The following NLGN1 variants were observed in gnomAD, a reference collection of about 807,000 sequenced individuals.
The protein encoded by NLGN1 is neuroligin-1.
Under a neutral mutation model 65.5 loss-of-function variants are expected in NLGN1, and 12 were observed. The observed-to-expected ratio is 0.18, with a 90% CI of 0.12 to 0.30. The LOEUF (loss-of-function observed/expected upper bound fraction) is 0.30, where lower values mean the gene tolerates loss of function less well. Ranked by LOEUF, NLGN1 falls within the 10% of genes least tolerant of loss-of-function variation. The probability of loss-of-function intolerance (pLI) is 1.00; values close to 1 mark genes in which losing one functional copy is unlikely to be tolerated. For missense variants in NLGN1, 750 were observed against 1,007.1 expected, an observed-to-expected ratio of 0.74 and a Z score of 3.46; for synonymous variants, 350 against 359.5, an observed-to-expected ratio of 0.97 and a Z score of 0.30.
At chr3:174,282,506 TA>T (rs1222825467) in exon 7 of NLGN1, 3 of 152,238 alleles carry the variant, frequency 2.0e-5, no homozygotes, top group Non-Finnish European at 4.4e-5. Flanking sequence ...CACTGGAATT[TA>T]CTCACGCAAT....
chr3:174,020,925 A>G (rs1183144915), intron 4 of NLGN1, among the ~76,000 whole-genome samples: 3 of 152,126 alleles, frequency 2.0e-5, no homozygotes, highest in African/African-American at 7.2e-5. Context: ...GTGTTTTTAT[A>G]TTGTGTAGAA....
intron 3 of NLGN1, among the ~76,000 whole-genome samples, chr3:173,674,670 T>C (rs56329011): frequency 0.021 from 3,270 of 152,204 alleles, 128 homozygotes; most frequent in African/African-American, 0.075. Flanking sequence ...ACATCAATAG[T>C]ATATTAAGGA....
chr3:174,152,261 C>G (rs1724512497), intron 4 of NLGN1, among the ~76,000 whole-genome samples: 1 of 152,058 alleles, frequency 6.6e-6, no homozygotes, highest in Non-Finnish European at 1.5e-5. Flanking sequence ...ATATGTCTAT[C>G]CTTCTATATA....
chr3:173,586,439 A>G (rs1560006688), intron 2 of NLGN1, among the ~76,000 whole-genome samples: 1 of 152,192 alleles, frequency 6.6e-6, no homozygotes, highest in Non-Finnish European at 1.5e-5. Context: ...CGTTCTGACT[A>G]TTAAAAGATT....
intron 4 of NLGN1, among the ~76,000 whole-genome samples, chr3:174,041,755 T>C (rs1472301199): frequency 6.6e-6 from 1 of 152,208 alleles, no homozygotes; most frequent in African/African-American, 2.4e-5. Flanking sequence ...ATTGGCCATA[T>C]ATTATTTTGC....
At chr3:173,812,381 ACTAT>A (rs1195921637) in intron 4 of NLGN1, among the ~76,000 whole-genome samples, 17 of 152,274 alleles carry the variant, frequency 1.1e-4, no homozygotes, top group Admixed American at 9.8e-4. Context: ...TTAAAATTAG[ACTAT>A]CTATGCCATA....
In NLGN1 at chr3:173,704,002, T is replaced by C. The variant is rs529845099; in HGVS notation, c.493+98911T>C. On this transcript the variant is annotated intron_variant, in intron 3 of 6. Transcript: ENST00000457714. Reference sequence around the variant, plus strand: ...CTTATGGTTTTGCCAATTCAGATCCTGAGAGCAATTAGAGGCTGTGGCGGA... The same window carrying C: ...CTTATGGTTTTGCCAATTCAGATCCCGAGAGCAATTAGAGGCTGTGGCGGA... 2.6e-5 allele frequency among the ~76,000 whole-genome samples: 4 copies of C among 152,358 alleles called. No homozygotes were observed. The East Asian group carries it at 7.7e-4, about 29-fold the overall frequency.
chr3:174,159,975 A>G (rs1457816605), intron 4 of NLGN1, among the ~76,000 whole-genome samples: 1 of 151,752 alleles, frequency 6.6e-6, no homozygotes, highest in African/African-American at 2.4e-5. Flanking sequence ...GATGAAATCA[A>G]TTTCTTACGA....
intron 4 of NLGN1, among the ~76,000 whole-genome samples, chr3:174,068,877 C>T (rs1174718391): frequency 1.3e-5 from 2 of 152,022 alleles, no homozygotes; most frequent in African/African-American, 2.4e-5. Context: ...GAATAGCAAG[C>T]GTATTCTACA....
chr3:174,268,565 G>T (rs781484217), intron 4 of NLGN1, among the ~76,000 whole-genome samples: 8 of 152,066 alleles, frequency 5.3e-5, no homozygotes, highest in Non-Finnish European at 7.4e-5. Flanking sequence ...AAATTGGGAA[G>T]AAATTTGGTT....
intron 2 of NLGN1, among the ~76,000 whole-genome samples, chr3:173,572,785 A>G (rs989306241): frequency 1.4e-4 from 21 of 152,258 alleles, no homozygotes; most frequent in African/African-American, 4.6e-4. Context: ...GATTTTGCTT[A>G]CACTTCCCAA....
intron 3 of NLGN1, among the ~76,000 whole-genome samples, chr3:173,694,657 GA>G (rs1030040621): frequency 1.3e-5 from 2 of 152,066 alleles, no homozygotes; most frequent in African/African-American, 4.8e-5. Flanking sequence ...AGGTACCATT[GA>G]AAATATTACT....
intron 4 of NLGN1, among the ~76,000 whole-genome samples, chr3:174,037,869 C>T (rs1002452521): frequency 2.6e-5 from 4 of 151,950 alleles, no homozygotes; most frequent in Non-Finnish European, 4.4e-5. Context: ...TTACAATTGA[C>T]GGTGTGGTGA....
chr3:174,113,225 A>G (rs1715628421), intron 4 of NLGN1, among the ~76,000 whole-genome samples: 4 of 151,986 alleles, frequency 2.6e-5, no homozygotes, highest in South Asian at 2.1e-4. Context: ...ATAGTATACA[A>G]TCTCCAAAAA....
intron 3 of NLGN1, among the ~76,000 whole-genome samples, chr3:173,786,440 A>C (rs1190294379): frequency 6.6e-6 from 1 of 152,150 alleles, no homozygotes; most frequent in African/African-American, 2.4e-5. Flanking sequence ...ACAGAAACAA[A>C]TTTCTACTTC....
intron 4 of NLGN1, among the ~76,000 whole-genome samples, chr3:174,139,815 T>C (rs568207509): frequency 1.2e-4 from 18 of 152,330 alleles, no homozygotes; most frequent in Non-Finnish European, 2.1e-4. Context: ...CTAATAGATA[T>C]GTAGAAATAC....
chr3:174,185,819 AAAAC>A (rs2152752618), intron 4 of NLGN1, among the ~76,000 whole-genome samples: 1 of 152,156 alleles, frequency 6.6e-6, no homozygotes, highest in South Asian at 2.1e-4. Flanking sequence ...AAAAAAAACA[AAAAC>A]AAAAAACCTG....
At chr3:173,403,333 T>C (rs1718053951) in intron 1 of NLGN1, among the ~76,000 whole-genome samples, 2 of 152,144 alleles carry the variant, frequency 1.3e-5, no homozygotes, top group South Asian at 4.1e-4. Context: ...TATAGTTAAA[T>C]CAGAGGATGT....
At chr3:174,264,496 T>C (rs1747606872) in intron 4 of NLGN1, among the ~76,000 whole-genome samples, 1 of 150,896 alleles carries the variant, frequency 6.6e-6, no homozygotes, top group Admixed American at 6.7e-5. Context: ...GCTTCTGCAT[T>C]CTTCACGTAG....
Sources: gnomAD v4.1 joint callset for allele counts (sites outside exome capture counted in the v4.1 genomes callset) on GRCh38, gnomAD v4.1.1 for gene constraint, MANE v1.5 for transcripts, NCBI Gene and HGNC (gene_info 2026-07-23, HGNC 2026-07-21) for gene names.